Variants in SERPINA3 observed in about 807,000 individuals in gnomAD.
SERPINA3 encodes the protein serpin family A member 3.
SERPINA3 carries 32 observed loss-of-function variants against 26.8 expected under a neutral mutation model. That is an observed-to-expected ratio of 1.20 (90% confidence interval 0.90 to 1.61). SERPINA3 has a LOEUF of 1.61. Among genes scored for constraint, SERPINA3 ranks in the 40% most tolerant of loss-of-function variants. The pLI is 0.00. For missense variants in SERPINA3, 632 were observed against 517.9 expected (o/e 1.22, Z -2.14); for synonymous variants, 252 against 206.4 (o/e 1.22, Z -1.89).
At chr14:94,612,692 T>G (rs994320101) in intron 1 of SERPINA3, among the ~76,000 whole-genome samples, 2 of 152,218 alleles carry the variant, frequency 1.3e-5, no homozygotes, top group African/African-American at 4.8e-5. Context: ...GCCTCTATGG[T>G]CATTTCTGCC....
intron 3 of SERPINA3, 53 bp from the exon 4 acceptor site, chr14:94,622,288 A>AC: frequency 6.3e-7 from 1 of 1,580,508 alleles, no homozygotes. Flanking sequence ...GGTGGGAGGC[A>AC]GGTAGGTACT....
In SERPINA3 at chr14:94,623,689, C is replaced by T; in HGVS notation, c.1147C>T (p.Leu383Phe). The T allele has an allele frequency of 6.2e-7, 1 of 1,614,182 alleles. No individual in the cohort carries two copies. Among genetic ancestry groups the T allele is most frequent in the Non-Finnish European group, 8.5e-7 (1 of 1,180,026 alleles). ...TGCCACAGCAGTCAAAATCACCCTC[C>T]TTTCTGCATTAGTGGAGACAAGGAC... ...SAATAVKITL[L>F]SALVETRTIV... is the part of the protein sequence containing the mutation. The change falls in exon 5 of 5, where the codon CTT becomes TTT. Residue 383 changes from leucine to phenylalanine, a missense_variant. Leu to Phe is a conservative substitution (Grantham distance 22). Coordinates refer to ENST00000393078, the MANE Select transcript of SERPINA3 (RefSeq NM_001085.5).
chr14:94,614,379 A>T, intron 1 of SERPINA3, 55 bp from the exon 2 acceptor site: 2 of 1,553,510 alleles, frequency 1.3e-6, no homozygotes, highest in Admixed American at 3.3e-5. Context: ...GGGCAGTGGG[A>T]GGTGGTCGGG....
At chr14:94,616,999 T>C (rs1008943776) in intron 2 of SERPINA3, among the ~76,000 whole-genome samples, 4 of 152,162 alleles carry the variant, frequency 2.6e-5, no homozygotes, top group African/African-American at 7.2e-5. Context: ...TCTCTCCCCA[T>C]TCTGGCATAC....
At chr14:94,613,059 A>G (rs1441539438) in intron 1 of SERPINA3, among the ~76,000 whole-genome samples, 2 of 152,182 alleles carry the variant, frequency 1.3e-5, no homozygotes, top group South Asian at 4.1e-4. Flanking sequence ...ATTGTCTAAC[A>G]TTTATCCAGA....
At chr14:94,615,889 C>CA (rs950492046) in intron 2 of SERPINA3, among the ~76,000 whole-genome samples, 4 of 151,628 alleles carry the variant, frequency 2.6e-5, no homozygotes, top group Admixed American at 6.6e-5. Flanking sequence ...CAGATGGGGA[C>CA]AAAAAAAGAG....
chr14:94,612,847 C>G (rs1009639176), intron 1 of SERPINA3, among the ~76,000 whole-genome samples: 1 of 152,142 alleles, frequency 6.6e-6, no homozygotes, highest in African/African-American at 2.4e-5. Context: ...GCAGAGGCCA[C>G]AGGCCTCACC....
chr14:94,620,610 G>T (rs1180145319), intron 3 of SERPINA3, among the ~76,000 whole-genome samples: 1 of 152,188 alleles, frequency 6.6e-6, no homozygotes, highest in East Asian at 1.9e-4. Flanking sequence ...CTGTAGAGCA[G>T]GTATGGAGTC....
Position 94,614,778 on chromosome 14 carries a change from G to T in SERPINA3, c.337G>T (p.Ala113Ser). 6.2e-7 allele frequency: 1 copy of T among 1,614,188 alleles called. No homozygotes were observed. The highest frequency in any genetic ancestry group is 8.5e-7 in the Non-Finnish European group (1 of 1,180,036). ...LKFNLTETSE[A>S]EIHQSFQHLL... ...GTTCAACCTCACGGAGACTTCTGAG[G>T]CAGAAATTCACCAGAGCTTCCAGCA... The change falls in exon 2 of 5, where the codon GCA becomes TCA. Residue 113 changes from alanine (A) to serine (S), a missense_variant. Ala to Ser is a moderately conservative substitution (Grantham distance 99, BLOSUM62 1). Transcript: ENST00000393078.
At chr14:94,616,341 G>A (rs1885996850) in intron 2 of SERPINA3, among the ~76,000 whole-genome samples, 2 of 152,154 alleles carry the variant, frequency 1.3e-5, no homozygotes. Context: ...GAGACCTGCA[G>A]GGCCCCTCCC....
At position 94,614,475 on chromosome 14, in the gene SERPINA3, C is replaced by T. The variant is rs746010449; in HGVS notation, c.34C>T (p.Leu12Phe). ...ERMLPLLALG[L>F]LAAGFCPAVL... is the part of the protein sequence containing the mutation. ...AATGTTACCTCTCCTGGCTCTGGGG[C>T]TCTTGGCGGCTGGGTTCTGCCCTGC... The change falls in exon 2 of 5, where the codon CTC (leucine) becomes TTC (phenylalanine). Residue 12 changes from leucine to phenylalanine, a missense_variant. Physicochemically the swap from Leu to Phe is conservative, Grantham distance 22 (BLOSUM62 0). Coordinates refer to ENST00000393078, the MANE Select transcript of SERPINA3 (RefSeq NM_001085.5). 4.3e-6 allele frequency: 7 copies of T among 1,613,906 alleles called. No homozygotes were observed. Among genetic ancestry groups the T allele is most frequent in the Non-Finnish European group, 5.1e-6 (6 of 1,180,000 alleles).
At position 94,612,446 on chromosome 14, in the gene SERPINA3, A is replaced by G; in HGVS notation, c.-10A>G. 2 of 1,363,070 alleles carry G rather than the reference A, an allele frequency of 1.5e-6. No homozygotes were observed. The highest frequency in any genetic ancestry group is 9.8e-7 in the Non-Finnish European group (1 of 1,019,332). 84.4% of individuals were successfully genotyped at this position (1,363,070 alleles called of 1,614,324 possible). A position where few individuals can be genotyped will look rare whatever the true frequency, so the allele number is the denominator to read the frequency against. Reference sequence around the variant, plus strand: ...CCAGCTACATCCAGCTCCCTGAGGCAGGTAATCCATGATGTTTTACATCCT... The same window carrying G: ...CCAGCTACATCCAGCTCCCTGAGGCGGGTAATCCATGATGTTTTACATCCT... On this transcript the variant is annotated splice_region_variant and 5_prime_UTR_variant, in exon 1 of 5. Transcript: ENST00000393078.
Position 94,615,071 on chromosome 14 carries a change from C to A in SERPINA3, c.630C>A (p.Tyr210Ter), listed in dbSNP as rs1885943942. ...AGACAATGATGGTCCTGGTGAATTA[C>A]ATCTTCTTTAAAGGTGAGTGTGCCT... ...DSQTMMVLVN[Y>*]IFFKAKWEMP... The change falls in exon 2 of 5, where the codon TAC becomes TAA. Residue 210 changes from tyrosine (Y) to a stop codon, truncating the protein, a stop_gained. Transcript: ENST00000393078. LOFTEE classifies it high-confidence loss of function. 3 of 1,613,952 alleles carry A rather than the reference C, an allele frequency of 1.9e-6. No homozygotes were observed. Among genetic ancestry groups the A allele is most frequent in the African/African-American group, 1.3e-5 (1 of 74,922 alleles).
chr14:94,623,756 C>G lies in SERPINA3; in HGVS notation c.1214C>G (p.Pro405Arg). The G allele has an allele frequency of 6.2e-7, 1 of 1,614,162 alleles. No individual in the cohort carries two copies. Among genetic ancestry groups the G allele is most frequent in the Middle Eastern group, 1.6e-4 (1 of 6,062 alleles). ...AGGCCCTTCCTGATGATCATTGTCC[C>G]TACAGACACCCAGAACATCTTCTTC... ...FNRPFLMIIV[P>R]TDTQNIFFMS... Residue 405 changes from proline to arginine, a missense_variant, in exon 5 of 5, where the codon CCT (proline) becomes CGT (arginine). By Grantham distance (103) the Pro-to-Arg change is moderately radical (BLOSUM62 -2). Transcript: ENST00000393078.
intron 1 of SERPINA3, among the ~76,000 whole-genome samples, chr14:94,612,951 G>T (rs1256623272): frequency 1.3e-5 from 2 of 152,180 alleles, no homozygotes; most frequent in African/African-American, 4.8e-5. Context: ...TCTCTGTCCA[G>T]CAACAGAAAA....
intron 4 of SERPINA3, chr14:94,622,883 A>C: frequency 3.1e-6 from 1 of 317,460 alleles, no homozygotes; most frequent in Non-Finnish European, 6.1e-6. Context: ...GGTAATAACA[A>C]TGATTATCTG....
At chr14:94,621,933 C>A (rs938953721) in intron 3 of SERPINA3, among the ~76,000 whole-genome samples, 2 of 152,232 alleles carry the variant, frequency 1.3e-5, no homozygotes, top group African/African-American at 4.8e-5. Flanking sequence ...TCAGCCTCAA[C>A]ACCACCTCCT....
Position 94,612,458 on chromosome 14 carries a change from A to G in SERPINA3, c.-9+11A>G. The G allele has an allele frequency of 7.4e-7, 1 of 1,355,014 alleles. No individual in the cohort carries two copies. Among genetic ancestry groups the G allele is most frequent in the South Asian group, 1.1e-5 (1 of 87,010 alleles). The allele number at this position is 1,355,014 out of a possible 1,614,324, so 83.9% of individuals were successfully genotyped here. A position where few individuals can be genotyped will look rare whatever the true frequency, so the allele number is the denominator to read the frequency against. On this transcript the variant is annotated intron_variant, in intron 1 of 4. Coordinates refer to ENST00000393078, the MANE Select transcript of SERPINA3 (RefSeq NM_001085.5). ...AGCTCCCTGAGGCAGGTAATCCATG[A>G]TGTTTTACATCCTGGGAGCGGAGGA...
At chr14:94,621,638 G>A (rs1595099075) in intron 3 of SERPINA3, among the ~76,000 whole-genome samples, 1 of 152,182 alleles carries the variant, frequency 6.6e-6, no homozygotes, top group South Asian at 2.1e-4. Flanking sequence ...CACCTGGCTT[G>A]AGGGACAGTG....
Sources: gnomAD v4.1 joint callset for allele counts (sites outside exome capture counted in the v4.1 genomes callset) on GRCh38, gnomAD v4.1.1 for gene constraint, MANE v1.5 for transcripts, NCBI Gene and HGNC (gene_info 2026-07-23, HGNC 2026-07-21) for gene names.